KCNT2: variants seen among roughly 807,000 people sequenced by gnomAD.
KCNT2 encodes potassium sodium-activated channel subfamily T member 2, also known as potassium channel subfamily T member 2.
Under a neutral mutation model 153.8 loss-of-function variants are expected in KCNT2, and 67 were observed. The observed-to-expected ratio is 0.44, with a 90% CI of 0.36 to 0.53. The LOEUF (loss-of-function observed/expected upper bound fraction) is 0.53, where lower values mean the gene tolerates loss of function less well. Ranked by LOEUF, KCNT2 falls within the 20% of genes least tolerant of loss-of-function variation. The pLI is 0.00. For missense variants in KCNT2, 975 were observed against 1,354.8 expected (o/e 0.72, Z 4.40); for synonymous variants, 500 against 458.8 (o/e 1.09, Z -1.15).
intron 27 of KCNT2, among the ~76,000 whole-genome samples, chr1:196,235,325 T>C (rs959546131): frequency 6.6e-6 from 1 of 151,422 alleles, no homozygotes; most frequent in Non-Finnish European, 1.5e-5. Flanking sequence ...ACATTCTTTA[T>C]AATTTCTCCA....
intron 14 of KCNT2, among the ~76,000 whole-genome samples, chr1:196,352,072 A>C (rs1666757896): frequency 6.6e-6 from 1 of 152,134 alleles, no homozygotes; most frequent in Non-Finnish European, 1.5e-5. Flanking sequence ...ACCATGGTGG[A>C]TAAGCTTTTG....
chr1:196,458,881 G>T (rs540755184), intron 8 of KCNT2, among the ~76,000 whole-genome samples: 1 of 151,836 alleles, frequency 6.6e-6, no homozygotes, highest in African/African-American at 2.4e-5. Context: ...AACTTAATTA[G>T]CAATGGCATT....
In KCNT2 at chr1:196,313,673, CA is replaced by C. The variant is rs996876908; in HGVS notation, c.2483+2218del. 5.1e-4 allele frequency among the ~76,000 whole-genome samples: 76 copies of C among 149,148 alleles called. 1 individual carries two copies. Among genetic ancestry groups the C allele is most frequent in the Admixed American group, 2.6e-3 (39 of 14,940 alleles). ...CAGATTAGCAGCTTAACACACAACA[CA>C]AAAAAAAAGTTTCATATAATTTTTT... On this transcript the variant is annotated intron_variant, in intron 21 of 27. Coordinates refer to ENST00000294725, the MANE Select transcript of KCNT2 (RefSeq NM_198503.5).
intron 15 of KCNT2, among the ~76,000 whole-genome samples, chr1:196,341,466 A>G (rs1477147916): frequency 1.3e-5 from 2 of 152,064 alleles, no homozygotes; most frequent in East Asian, 1.9e-4. Context: ...TACATTACAT[A>G]ATAGATTAGT....
chr1:196,604,504 A>G (rs182392999), intron 1 of KCNT2, among the ~76,000 whole-genome samples: 23 of 152,286 alleles, frequency 1.5e-4, no homozygotes, highest in Admixed American at 7.2e-4. Flanking sequence ...ATCCCTACAC[A>G]TAAGCAATAT....
chr1:196,376,491 A>G (rs1283400851), intron 13 of KCNT2, among the ~76,000 whole-genome samples: 1 of 151,914 alleles, frequency 6.6e-6, no homozygotes, highest in African/African-American at 2.4e-5. Context: ...TTTACCACCA[A>G]GACTACAAAA....
chr1:196,596,056 G>GTATATATATATATA (rs1174131733), intron 1 of KCNT2, among the ~76,000 whole-genome samples: 51 of 4,236 alleles, frequency 0.012, 1 homozygote, highest in Admixed American at 0.015. Context: ...TCCATGATGT[G>GTATATATATATATA]TATATATATA....
chr1:196,314,872 A>G (rs1662553487), intron 21 of KCNT2, among the ~76,000 whole-genome samples: 2 of 151,744 alleles, frequency 1.3e-5, no homozygotes, highest in Admixed American at 1.3e-4. Context: ...TAAGTAATTA[A>G]AAATGACCAG....
At chr1:196,378,444 G>T (rs1669156195) in intron 13 of KCNT2, among the ~76,000 whole-genome samples, 1 of 152,010 alleles carries the variant, frequency 6.6e-6, no homozygotes, top group Non-Finnish European at 1.5e-5. Flanking sequence ...GAAACTTGGA[G>T]TATTTGTCTT....
At chr1:196,398,731 T>C in intron 12 of KCNT2, 60 bp from the exon 13 acceptor site, 1 of 885,184 alleles carries the variant, frequency 1.1e-6, no homozygotes, top group Non-Finnish European at 1.8e-6. Flanking sequence ...ACATATAAAG[T>C]AAAAGTAAGC....
chr1:196,366,057 A>T (rs1668010457), intron 14 of KCNT2, among the ~76,000 whole-genome samples: 1 of 152,018 alleles, frequency 6.6e-6, no homozygotes, highest in African/African-American at 2.4e-5. Flanking sequence ...ACGCTACATG[A>T]CCTGGCCCAT....
chr1:196,602,489 T>C (rs1664831082), intron 1 of KCNT2, among the ~76,000 whole-genome samples: 3 of 152,158 alleles, frequency 2.0e-5, no homozygotes, highest in Non-Finnish European at 4.4e-5. Context: ...CCCAGGGAAA[T>C]GATTAAGTCA....
chr1:196,483,578 C>G (rs1226750268), intron 3 of KCNT2, among the ~76,000 whole-genome samples: 1 of 152,152 alleles, frequency 6.6e-6, no homozygotes, highest in Admixed American at 6.5e-5. Flanking sequence ...TTCCTTCCTT[C>G]TACAAGCTCT....
chr1:196,422,850 C>G (rs1369596910), intron 12 of KCNT2, among the ~76,000 whole-genome samples, 200 bp downstream of exon 12: 1 of 151,910 alleles, frequency 6.6e-6, no homozygotes, highest in Non-Finnish European at 1.5e-5. Context: ...TTCATAGAAA[C>G]TATTTGAAAA....
chr1:196,375,854 C>G (rs1668919387), intron 13 of KCNT2, among the ~76,000 whole-genome samples: 1 of 151,684 alleles, frequency 6.6e-6, no homozygotes, highest in Non-Finnish European at 1.5e-5. Flanking sequence ...AAATTCAGTA[C>G]TCTTTTCATT....
intron 23 of KCNT2, among the ~76,000 whole-genome samples, chr1:196,284,249 ATATATATATATAT>A (rs1659429400): frequency 4.4e-5 from 1 of 22,910 alleles, no homozygotes; most frequent in Non-Finnish European, 9.6e-5. Flanking sequence ...AAAAAAAAAA[ATATATATATATAT>A]ATATATATAT....
chr1:196,235,149 T>C (rs1654317395), intron 27 of KCNT2, among the ~76,000 whole-genome samples: 1 of 151,424 alleles, frequency 6.6e-6, no homozygotes, highest in Non-Finnish European at 1.5e-5. Flanking sequence ...TACATTTGCC[T>C]TACAACAGAA....
intron 8 of KCNT2, among the ~76,000 whole-genome samples, chr1:196,442,382 G>A (rs1458877366): frequency 6.6e-6 from 1 of 151,722 alleles, no homozygotes; most frequent in Non-Finnish European, 1.5e-5. Context: ...TAAGTGTCAG[G>A]CACAGTACTT....
intron 12 of KCNT2, among the ~76,000 whole-genome samples, chr1:196,400,174 T>C (rs955235372): frequency 3.3e-5 from 5 of 151,688 alleles, no homozygotes; most frequent in Non-Finnish European, 5.9e-5. Context: ...TGTTAATCAA[T>C]TTTACATGCT....
Sources: gnomAD v4.1 joint callset for allele counts (sites outside exome capture counted in the v4.1 genomes callset) on GRCh38, gnomAD v4.1.1 for gene constraint, MANE v1.5 for transcripts, NCBI Gene and HGNC (gene_info 2026-07-23, HGNC 2026-07-21) for gene names.